Variants in SPIDR observed in about 807,000 individuals in gnomAD.
SPIDR encodes DNA repair-scaffolding protein.
In SPIDR, 93 loss-of-function variants were observed where a neutral mutation model predicts 104.6. The ratio of observed to expected loss-of-function variants is 0.89; its 90% CI spans 0.75 to 1.06. The LOEUF (loss-of-function observed/expected upper bound fraction) is 1.06. SPIDR is among the 50% of genes least tolerant of loss of function. The pLI, the probability that SPIDR is intolerant of heterozygous loss-of-function variation, is 0.00. For synonymous variants in SPIDR, 431 were observed against 416.9 expected (o/e 1.03, Z -0.41); for missense variants, 1,154 against 1,111.2 (o/e 1.04, Z -0.55).
chr8:47,648,463 G>A (rs1167595435), intron 10 of SPIDR, among the ~76,000 whole-genome samples: 6 of 152,314 alleles, frequency 3.9e-5, no homozygotes, highest in South Asian at 2.1e-4. Context: ...GTATAAACTC[G>A]TACTTTTCAA....
intron 8 of SPIDR, among the ~76,000 whole-genome samples, chr8:47,488,409 A>G (rs1240661683): frequency 6.6e-6 from 1 of 152,240 alleles, no homozygotes; most frequent in Non-Finnish European, 1.5e-5. Flanking sequence ...TCACAGCTGA[A>G]TTCTACCAGA....
At chr8:47,520,814 T>C (rs1486725903) in intron 8 of SPIDR, among the ~76,000 whole-genome samples, 1 of 152,210 alleles carries the variant, frequency 6.6e-6, no homozygotes, top group Admixed American at 6.5e-5. Context: ...CATCTTGCCA[T>C]CCTATGATCT....
chr8:47,727,380 A>T, intron 17 of SPIDR, 87 bp downstream of exon 17: 2 of 1,242,554 alleles, frequency 1.6e-6, no homozygotes, highest in South Asian at 1.3e-5. Context: ...TTGCTACCTC[A>T]GGTGACTCCC....
At chr8:47,368,991 G>T (rs1238782946) in intron 5 of SPIDR, among the ~76,000 whole-genome samples, 1 of 152,204 alleles carries the variant, frequency 6.6e-6, no homozygotes, top group East Asian at 1.9e-4. Flanking sequence ...ATGTGTCTCT[G>T]TGTCCAGTAT....
chr8:47,527,413 A>AG (rs1347352807), intron 8 of SPIDR: 1 of 152,298 alleles, frequency 6.6e-6, no homozygotes, highest in Non-Finnish European at 1.5e-5. Flanking sequence ...ATAGGACTAT[A>AG]GAACACCTCC....
At chr8:47,291,490 C>T (rs895386317) in intron 4 of SPIDR, among the ~76,000 whole-genome samples, 4 of 152,170 alleles carry the variant, frequency 2.6e-5, no homozygotes, top group Admixed American at 6.5e-5. Flanking sequence ...CCAGCAACTG[C>T]ACCTTTAGGC....
chr8:47,711,518 G>A (rs1320982637), intron 14 of SPIDR, among the ~76,000 whole-genome samples: 1 of 151,988 alleles, frequency 6.6e-6, no homozygotes, highest in Non-Finnish European at 1.5e-5. Context: ...TTGTGCCACT[G>A]TGGCTGGTTA....
intron 10 of SPIDR, among the ~76,000 whole-genome samples, chr8:47,659,240 C>T (rs1396989206): frequency 2.0e-5 from 3 of 152,106 alleles, no homozygotes; most frequent in African/African-American, 4.8e-5. Context: ...GCCTGGGAGA[C>T]GGAGGGTGGC....
At chr8:47,422,043 C>T (rs553322570) in intron 7 of SPIDR, among the ~76,000 whole-genome samples, 2 of 152,208 alleles carry the variant, frequency 1.3e-5, no homozygotes, top group Non-Finnish European at 2.9e-5. Context: ...CACAGTTGGG[C>T]TACTCGGAGG....
intron 11 of SPIDR, among the ~76,000 whole-genome samples, chr8:47,689,525 C>G (rs1489775937): frequency 6.6e-6 from 1 of 152,210 alleles, no homozygotes; most frequent in East Asian, 1.9e-4. Flanking sequence ...AGATTTTACT[C>G]TATGCCATAC....
intron 9 of SPIDR, among the ~76,000 whole-genome samples, chr8:47,598,168 C>G (rs1048076518): frequency 6.6e-6 from 1 of 152,220 alleles, no homozygotes; most frequent in African/African-American, 2.4e-5. Context: ...CCATGAGATT[C>G]ATTTTTGTCC....
chr8:47,578,910 A>G (rs939998828), intron 8 of SPIDR, among the ~76,000 whole-genome samples: 5 of 152,222 alleles, frequency 3.3e-5, no homozygotes, highest in African/African-American at 1.2e-4. Context: ...CTTGGGTAGG[A>G]AGGTAGAGAA....
chr8:47,709,403 G>C (rs2081531487), intron 14 of SPIDR, among the ~76,000 whole-genome samples: 1 of 152,200 alleles, frequency 6.6e-6, no homozygotes. Flanking sequence ...GCCTCCCAAA[G>C]TGCTGGGATT....
intron 8 of SPIDR, chr8:47,592,487 C>T: frequency 7.0e-7 from 1 of 1,420,218 alleles, no homozygotes; most frequent in Non-Finnish European, 9.9e-7. Flanking sequence ...ATCCTGAGAG[C>T]CAGCAATGAC....
chr8:47,718,248 AAC>A (rs1253356402), intron 16 of SPIDR, among the ~76,000 whole-genome samples: 1 of 152,228 alleles, frequency 6.6e-6, no homozygotes, highest in African/African-American at 2.4e-5. Context: ...ACGGAGATCA[AAC>A]ACACATTTGT....
intron 8 of SPIDR, among the ~76,000 whole-genome samples, chr8:47,501,393 C>G (rs908837180): frequency 6.6e-5 from 10 of 151,980 alleles, no homozygotes; most frequent in African/African-American, 2.4e-4. Context: ...GTATTTTATT[C>G]TCTTTGAAGC....
intron 14 of SPIDR, 112 bp from the exon 15 acceptor site, chr8:47,712,550 G>A (rs2154488415): frequency 8.2e-7 from 1 of 1,225,670 alleles, no homozygotes; most frequent in South Asian, 1.5e-5. Flanking sequence ...GTTTTAAAGT[G>A]TTTTTGAAAT....
chr8:47,325,865 C>G (rs1554600000), intron 5 of SPIDR, among the ~76,000 whole-genome samples: 1 of 152,184 alleles, frequency 6.6e-6, no homozygotes, highest in Non-Finnish European at 1.5e-5. Context: ...GCCCTAAGCA[C>G]TATTTTAGGG....
At position 47,596,019 on chromosome 8, in the gene SPIDR, TG is replaced by T. The variant is rs745698801; in HGVS notation, c.1293+15del. 1.2e-6 allele frequency: 2 copies of T among 1,604,658 alleles called. No homozygotes were observed. The highest frequency in any genetic ancestry group is 1.7e-4 in the Middle Eastern group (1 of 6,024). ...ACCTGAAATCCAGGTAAACTCCTATTGGCCTAAAGGTTTTATGCTTGTAATA... is the reference window on the plus strand; with the variant it reads ...ACCTGAAATCCAGGTAAACTCCTATTGCCTAAAGGTTTTATGCTTGTAATA... On this transcript the variant is annotated intron_variant, in intron 9 of 19. Transcript: ENST00000297423.
Sources: gnomAD v4.1 joint callset for allele counts (sites outside exome capture counted in the v4.1 genomes callset) on GRCh38, gnomAD v4.1.1 for gene constraint, MANE v1.5 for transcripts, NCBI Gene and HGNC (gene_info 2026-07-23, HGNC 2026-07-21) for gene names.